The following TRIM67 variants were observed in gnomAD, a reference collection of about 807,000 sequenced individuals.
TRIM67 encodes the protein tripartite motif containing 67, also known as tripartite motif-containing protein 67.
In TRIM67, 39 loss-of-function variants were observed where a neutral mutation model predicts 71.0. The ratio of observed to expected loss-of-function variants is 0.55; its 90% confidence interval spans 0.43 to 0.72. The LOEUF is 0.72. TRIM67 is among the 30% of genes least tolerant of loss of function. TRIM67 has a pLI of 0.00. For missense variants in TRIM67, 973 were observed against 1,079.2 expected (o/e 0.90, Z 1.38); for synonymous variants, 481 against 473.9 (o/e 1.01, Z -0.19).
intron 1 of TRIM67, among the ~76,000 whole-genome samples, chr1:231,171,713 A>T (rs751458108): frequency 3.4e-4 from 52 of 152,314 alleles, no homozygotes; most frequent in Non-Finnish European, 5.9e-4. Context: ...AACAGAGATT[A>T]TGAGTCGCAA....
intron 8 of TRIM67, among the ~76,000 whole-genome samples, chr1:231,211,511 G>A (rs984178092): frequency 1.6e-4 from 25 of 152,248 alleles, no homozygotes; most frequent in African/African-American, 5.3e-4. Flanking sequence ...CCCGGTGGTC[G>A]GTGTCCAAAT....
In TRIM67 at chr1:231,214,015, T is replaced by C. The variant is rs186465419; in HGVS notation, c.2286+38T>C. The C allele has an allele frequency of 6.9e-4, 1,074 of 1,564,794 alleles. 5 individuals are homozygous for C. In the African/African-American group the frequency reaches 0.013, roughly 20 times the overall value. On this transcript the variant is annotated intron_variant, in intron 9 of 9. Coordinates refer to ENST00000366653, the MANE Select transcript of TRIM67 (RefSeq NM_001004342.5). The stretch of plus-strand genomic sequence containing the variant: ...CCAGGGCCGGACCTGGTCTGGCTGC[T>C]CCCAACTGTTTGCCACAGGTCTCTG...
intron 4 of TRIM67, 77 bp downstream of exon 4, chr1:231,200,335 G>A (rs1683486236): frequency 3.3e-6 from 3 of 910,008 alleles, no homozygotes; most frequent in East Asian, 2.4e-5. Context: ...CCAAGTTCTA[G>A]GCAAGATCCT....
rs1684022914 is a variant in TRIM67 at position 231,216,717 on chromosome 1, C to T, written c.*1277C>T. The T allele has an allele frequency of 1.0e-6, 1 of 985,506 alleles. No individual in the cohort carries two copies. The allele number at this position is 985,506 out of a possible 1,614,324, so 61.0% of individuals were successfully genotyped here. ...GTGAGACTGGGTGTGCCGAGTCTGA[C>T]CTGCCAGGGCAGGACTCTGGAAACA... On this transcript the variant is annotated 3_prime_UTR_variant, in exon 10 of 10. Coordinates refer to ENST00000366653, the MANE Select transcript of TRIM67 (RefSeq NM_001004342.5).
At chr1:231,205,865 AC>A (rs1683680520) in intron 6 of TRIM67, among the ~76,000 whole-genome samples, 1 of 152,142 alleles carries the variant, frequency 6.6e-6, no homozygotes, top group African/African-American at 2.4e-5. Flanking sequence ...GTGGGAGGAG[AC>A]AAAGAAGTGG....
At position 231,218,186 on chromosome 1, in the gene TRIM67, TTCAGAGTAGAAATG is replaced by T. The variant is rs1405927954; in HGVS notation, c.*2747_*2760del. The T allele has an allele frequency of 2.0e-6, 2 of 1,022,742 alleles. No individual in the cohort carries two copies. Among genetic ancestry groups the T allele is most frequent in the African/African-American group, 3.4e-5 (2 of 59,262 alleles). 63.4% of individuals were successfully genotyped at this position (1,022,742 alleles called of 1,614,324 possible). A position where few individuals can be genotyped will look rare whatever the true frequency, so the allele number is the denominator to read the frequency against. On this transcript the variant is annotated 3_prime_UTR_variant, in exon 10 of 10. Coordinates refer to ENST00000366653, the MANE Select transcript of TRIM67 (RefSeq NM_001004342.5). ...CCTCATGGCCAGGAAGGTCCCGGGT[TTCAGAGTAGAAATG>T]ACAGACAGGTCATGGAATTCTCATC...
chr1:231,174,157 T>C (rs972746262), intron 1 of TRIM67, among the ~76,000 whole-genome samples: 3 of 150,128 alleles, frequency 2.0e-5, no homozygotes, highest in African/African-American at 7.3e-5. Context: ...ATTTTCTTTT[T>C]TTTTTTTTTT....
chr1:231,198,897 TATAA>T, intron 2 of TRIM67, 146 bp from the exon 3 acceptor site: 1 of 1,293,842 alleles, frequency 7.7e-7, no homozygotes. Flanking sequence ...CCTTAATTCA[TATAA>T]ATATTGTCTC....
At chr1:231,196,224 T>C (rs1005848674) in intron 1 of TRIM67, among the ~76,000 whole-genome samples, 1 of 152,064 alleles carries the variant, frequency 6.6e-6, no homozygotes, top group African/African-American at 2.4e-5. Context: ...GGGAGGGGAC[T>C]TGGGGGAGAA....
Position 231,219,765 on chromosome 1 carries a change from G to C in TRIM67, c.*4325G>C, listed in dbSNP as rs1684097696. ...AGATGGTGATGCTGGAAAATTTCAG[G>C]ACTTTTCTTTTGCAAGTGAGCCGGT... On this transcript the variant is annotated 3_prime_UTR_variant, in exon 10 of 10. Transcript: ENST00000366653. 13 of 1,207,970 alleles carry C rather than the reference G, an allele frequency of 1.1e-5. No individual in the cohort carries two copies. The South Asian group carries it at 1.9e-4, about 18-fold the overall frequency. 74.8% of individuals were successfully genotyped at this position (1,207,970 alleles called of 1,614,324 possible). A position where few individuals can be genotyped will look rare whatever the true frequency, so the allele number is the denominator to read the frequency against.
intron 1 of TRIM67, among the ~76,000 whole-genome samples, chr1:231,190,340 G>A (rs1998027): frequency 0.59 from 88,982 of 151,992 alleles, 29,181 homozygotes; most frequent in African/African-American, 0.89. Context: ...CCCCATTCCA[G>A]TCCCAGCTCT....
chr1:231,216,337 C>T lies in TRIM67; in HGVS notation c.*897C>T, dbSNP rs568842886. 1 of 985,430 alleles carries T rather than the reference C, an allele frequency of 1.0e-6. No homozygotes were observed. The highest frequency in any genetic ancestry group is 1.2e-6 in the Non-Finnish European group (1 of 829,938). 61.0% of individuals were successfully genotyped at this position (985,430 alleles called of 1,614,324 possible). On this transcript the variant is annotated 3_prime_UTR_variant, in exon 10 of 10. Transcript: ENST00000366653. ...GACAGTCTCCTAAAATTAATTCACTCAGTTCTTAGTTCTTAAATCCACGTG... is the reference window on the plus strand; with the variant it reads ...GACAGTCTCCTAAAATTAATTCACTTAGTTCTTAGTTCTTAAATCCACGTG...
intron 1 of TRIM67, among the ~76,000 whole-genome samples, chr1:231,172,441 G>A (rs769627617): frequency 5.9e-5 from 9 of 152,130 alleles, no homozygotes; most frequent in Non-Finnish European, 7.3e-5. Context: ...GATCACTAGC[G>A]TTCCCTCTCT....
At position 231,219,667 on chromosome 1, in the gene TRIM67, G is replaced by C; in HGVS notation, c.*4227G>C. The C allele has an allele frequency of 8.6e-7, 1 of 1,160,564 alleles. No homozygotes were observed. The allele number at this position is 1,160,564 out of a possible 1,614,324, so 71.9% of individuals were successfully genotyped here. On this transcript the variant is annotated 3_prime_UTR_variant, in exon 10 of 10. Coordinates refer to ENST00000366653, the MANE Select transcript of TRIM67 (RefSeq NM_001004342.5). ...GGCCACATTTTACTGGAAGCAACAG[G>C]AACTTCTTAATGGGTTTGTGGCCCT...
In TRIM67 at chr1:231,206,775, C is replaced by T. The variant is rs1402971627; in HGVS notation, c.1804C>T (p.Leu602=). 1.9e-6 allele frequency: 3 copies of T among 1,602,028 alleles called. No homozygotes were observed. In the Admixed American group the frequency reaches 5.2e-5, roughly 28 times the overall value. The change falls in exon 7 of 10, where the codon CTG becomes TTG. Residue 602 remains leucine, a synonymous_variant. Coordinates refer to ENST00000366653, the MANE Select transcript of TRIM67 (RefSeq NM_001004342.5). ...GVGPYSKTVV[L]QTSDVAWFTF... ...CGGGCCTTACAGTAAAACTGTCGTC[C>T]TGCAGACATCCGATGGTGAGCATCG...
intron 1 of TRIM67, among the ~76,000 whole-genome samples, chr1:231,192,948 G>A (rs1206968790): frequency 5.9e-5 from 9 of 152,180 alleles, no homozygotes. Context: ...TGGGCTTCTT[G>A]CCAAGCTCCT....
Position 231,217,720 on chromosome 1 carries a change from C to A in TRIM67, c.*2280C>A, listed in dbSNP as rs866133978. ...CCTCCACCATCACCACAGCCCAGGT[C>A]ACCAGGTGGCCCCAGCTCTGCAGAA... On this transcript the variant is annotated 3_prime_UTR_variant, in exon 10 of 10. Coordinates refer to ENST00000366653, the MANE Select transcript of TRIM67 (RefSeq NM_001004342.5). 33 of 1,238,088 alleles carry A rather than the reference C, an allele frequency of 2.7e-5. No individual in the cohort carries two copies. The Middle Eastern group carries it at 7.6e-4, about 29-fold the overall frequency. 76.7% of individuals were successfully genotyped at this position (1,238,088 alleles called of 1,614,324 possible).
At chr1:231,188,802 T>C (rs1683155694) in intron 1 of TRIM67, among the ~76,000 whole-genome samples, 1 of 152,190 alleles carries the variant, frequency 6.6e-6, no homozygotes, top group Non-Finnish European at 1.5e-5. Context: ...TCGGTTGTTA[T>C]TCTTATTGCT....
chr1:231,208,842 C>A, intron 7 of TRIM67, 105 bp from the exon 8 acceptor site: 1 of 1,165,096 alleles, frequency 8.6e-7, no homozygotes, highest in Non-Finnish European at 1.2e-6. Context: ...CTTCTGGGTG[C>A]CGACTTTCTA....
Sources: allele counts gnomAD v4.1 joint callset (sites outside exome capture counted in the v4.1 genomes callset), GRCh38; gene constraint gnomAD v4.1.1; transcripts MANE v1.5; gene names NCBI Gene and HGNC (gene_info 2026-07-23, HGNC 2026-07-21).